Variants in PTPRD observed in about 807,000 individuals in gnomAD.
The protein encoded by PTPRD is protein tyrosine phosphatase receptor type D, also known as receptor-type tyrosine-protein phosphatase delta.
Under a neutral mutation model 214.5 loss-of-function variants are expected in PTPRD, and 34 were observed. The ratio of observed to expected loss-of-function variants is 0.16; its 90% CI spans 0.12 to 0.21. The LOEUF is 0.21. PTPRD is among the 10% of genes least tolerant of loss of function. The pLI is 1.00. For missense variants in PTPRD, 2,545 were observed against 2,398.7 expected (o/e 1.06, Z -1.27); for synonymous variants, 1,128 against 845.7 (o/e 1.33, Z -5.79).
chr9:9,219,640 T>C (rs1211979557), intron 9 of PTPRD, among the ~76,000 whole-genome samples: 1 of 152,186 alleles, frequency 6.6e-6, no homozygotes, highest in East Asian at 1.9e-4. Flanking sequence ...TCTTCGAATG[T>C]ATCAAGAGCA....
intron 10 of PTPRD, among the ~76,000 whole-genome samples, chr9:9,033,838 A>T (rs1344055155): frequency 6.6e-6 from 1 of 152,084 alleles, no homozygotes; most frequent in Non-Finnish European, 1.5e-5. Context: ...ACTTGAGTCA[A>T]TTGTACCTGA....
At chr9:9,661,828 C>A (rs2096627785) in intron 7 of PTPRD, among the ~76,000 whole-genome samples, 1 of 151,562 alleles carries the variant, frequency 6.6e-6, no homozygotes, top group South Asian at 2.1e-4. Context: ...AGAAAAAGAC[C>A]TTGTGTAAAT....
At chr9:10,488,253 G>C (rs527419863) in intron 2 of PTPRD, among the ~76,000 whole-genome samples, 37 of 151,724 alleles carry the variant, frequency 2.4e-4, no homozygotes, top group African/African-American at 8.9e-4. Context: ...TGTAGTCCCA[G>C]CTACTCAGGA....
intron 10 of PTPRD, among the ~76,000 whole-genome samples, chr9:9,134,413 A>G (rs2099847790): frequency 6.6e-6 from 1 of 151,984 alleles, no homozygotes; most frequent in Non-Finnish European, 1.5e-5. Flanking sequence ...CCATCTGTTA[A>G]TCTATCAGCA....
Position 8,485,311 on chromosome 9 carries a change from A to G in PTPRD, c.3069T>C (p.Asn1023=). Residue 1023 remains asparagine, a synonymous_variant, in exon 29 of 46, where the codon AAT becomes AAC. Coordinates refer to ENST00000381196, the MANE Select transcript of PTPRD (RefSeq NM_002839.4). ...TCTTCATTACTGCTTTGACATGAAA[A>G]TTTTTTGCAAACACTGCTGGAAAAG... ...TLPVDQVFAK[N]FHVKAVMKTS... is the part of the protein sequence containing the mutation. The G allele has an allele frequency of 6.2e-7, 1 of 1,613,932 alleles. No individual in the cohort carries two copies. The highest frequency in any genetic ancestry group is 1.1e-5 in the South Asian group (1 of 91,064).
chr9:8,351,280 T>A (rs1469709593), intron 39 of PTPRD, among the ~76,000 whole-genome samples: 1 of 152,180 alleles, frequency 6.6e-6, no homozygotes, highest in Non-Finnish European at 1.5e-5. Flanking sequence ...CATATCTCTA[T>A]TTGTACACAT....
At chr9:8,667,936 G>T (rs1446543653) in intron 12 of PTPRD, among the ~76,000 whole-genome samples, 1 of 151,984 alleles carries the variant, frequency 6.6e-6, no homozygotes, top group Non-Finnish European at 1.5e-5. Context: ...GGCTTGAGAA[G>T]TTGCCCAGTA....
At chr9:10,068,487 C>T (rs2097925376) in intron 3 of PTPRD, among the ~76,000 whole-genome samples, 1 of 151,650 alleles carries the variant, frequency 6.6e-6, no homozygotes, top group African/African-American at 2.4e-5. Flanking sequence ...CCCTTTCACA[C>T]ACAAACTACT....
intron 21 of PTPRD, among the ~76,000 whole-genome samples, chr9:8,509,904 C>G (rs1238207656): frequency 6.6e-6 from 1 of 152,116 alleles, no homozygotes; most frequent in Non-Finnish European, 1.5e-5. Flanking sequence ...GTGTCTTCAT[C>G]TAATGTACAG....
At chr9:10,087,817 G>T (rs995798659) in intron 3 of PTPRD, among the ~76,000 whole-genome samples, 1 of 151,668 alleles carries the variant, frequency 6.6e-6, no homozygotes, top group East Asian at 1.9e-4. Context: ...AAAATAGAAA[G>T]TATCACGGTA....
chr9:9,208,463 G>C (rs1039083775), intron 9 of PTPRD, among the ~76,000 whole-genome samples: 12 of 151,886 alleles, frequency 7.9e-5, no homozygotes, highest in Admixed American at 7.2e-4. Context: ...CATATGGAGG[G>C]GATAAGATAA....
At chr9:9,646,306 TGTGTGTGTGTGG>T (rs1224128301) in intron 7 of PTPRD, among the ~76,000 whole-genome samples, 1 of 143,198 alleles carries the variant, frequency 7.0e-6, no homozygotes, top group African/African-American at 2.7e-5. Context: ...GGGAGGGGTG[TGTGTGTGTGTGG>T]GTGTGTGTGT....
intron 5 of PTPRD, among the ~76,000 whole-genome samples, chr9:9,872,337 T>C (rs929906721): frequency 2.0e-5 from 3 of 152,158 alleles, no homozygotes; most frequent in Non-Finnish European, 2.9e-5. Context: ...TGGAGACTCA[T>C]GGCTGTAATT....
At chr9:9,866,130 T>G (rs2153701511) in intron 5 of PTPRD, among the ~76,000 whole-genome samples, 1 of 152,330 alleles carries the variant, frequency 6.6e-6, no homozygotes, top group East Asian at 1.9e-4. Flanking sequence ...TAATATCTAG[T>G]TAAGGTTATA....
chr9:9,994,897 T>C (rs901196061), intron 4 of PTPRD, among the ~76,000 whole-genome samples: 5 of 152,112 alleles, frequency 3.3e-5, no homozygotes, highest in African/African-American at 1.2e-4. Context: ...ATGTTAATAT[T>C]GGATACTGCA....
chr9:9,604,062 T>C (rs1354810023), intron 7 of PTPRD, among the ~76,000 whole-genome samples: 2 of 152,108 alleles, frequency 1.3e-5, no homozygotes, highest in African/African-American at 4.8e-5. Flanking sequence ...GTTTGATTAA[T>C]ATAATTTTGC....
At chr9:10,376,223 T>G (rs1328780140) in intron 2 of PTPRD, among the ~76,000 whole-genome samples, 4 of 151,902 alleles carry the variant, frequency 2.6e-5, no homozygotes, top group Non-Finnish European at 4.4e-5. Context: ...CAGGTATTAT[T>G]AATTGCTGAT....
chr9:9,660,001 A>G (rs1201446961), intron 7 of PTPRD, among the ~76,000 whole-genome samples: 2 of 152,082 alleles, frequency 1.3e-5, no homozygotes, highest in African/African-American at 2.4e-5. Flanking sequence ...TGTATAATAC[A>G]TAGTCACAAA....
chr9:10,345,391 T>A (rs1432757567), intron 2 of PTPRD, among the ~76,000 whole-genome samples: 2 of 152,090 alleles, frequency 1.3e-5, no homozygotes, highest in African/African-American at 4.8e-5. Context: ...ACATTAGATA[T>A]TTCTCCTAAT....
Sources: gnomAD v4.1 joint callset for allele counts (sites outside exome capture counted in the v4.1 genomes callset) on GRCh38, gnomAD v4.1.1 for gene constraint, MANE v1.5 for transcripts, NCBI Gene and HGNC (gene_info 2026-07-23, HGNC 2026-07-21) for gene names.